The following KHDRBS1 variants were observed in gnomAD, a reference collection of about 807,000 sequenced individuals.
KHDRBS1 encodes the protein KH domain-containing, RNA-binding, signal transduction-associated protein 1.
KHDRBS1 carries 7 observed loss-of-function variants against 48.4 expected under a neutral mutation model. The ratio of observed to expected loss-of-function variants is 0.14; its 90% CI spans 0.08 to 0.27. KHDRBS1 has a LOEUF of 0.27. Ranked by LOEUF, KHDRBS1 falls within the 10% of genes least tolerant of loss-of-function variation. KHDRBS1 has a pLI of 1.00. For synonymous variants in KHDRBS1, 241 were observed against 235.8 expected (o/e 1.02, Z -0.20); for missense variants, 458 against 601.2 (o/e 0.76, Z 2.49).
chr1:32,028,718 G>A (rs993402673), intron 1 of KHDRBS1, among the ~76,000 whole-genome samples: 1 of 151,186 alleles, frequency 6.6e-6, no homozygotes, highest in Non-Finnish European at 1.5e-5. Flanking sequence ...TGTTAGCCAG[G>A]ATGGTCTCGA....
chr1:32,042,617 G>C lies in KHDRBS1; in HGVS notation c.1325G>C (p.Arg442Pro). ...KGAYREHPYGRY is the reference protein window; with the variant it reads ...KGAYREHPYGPY ...GCATACAGAGAGCACCCATATGGAC[G>C]TTATTAAAAACAAACATGAGGGGAA... The change falls in exon 9 of 9, where the codon CGT (arginine) becomes CCT (proline). Residue 442 changes from arginine (R) to proline (P), a missense_variant. By Grantham distance (103) the Arg-to-Pro change is moderately radical. Coordinates refer to ENST00000327300, the MANE Select transcript of KHDRBS1 (RefSeq NM_006559.3). 6.2e-7 allele frequency: 1 copy of C among 1,600,462 alleles called. No individual in the cohort carries two copies. The highest frequency in any genetic ancestry group is 1.1e-5 in the South Asian group (1 of 90,772).
chr1:32,014,166 C>A lies in KHDRBS1; in HGVS notation c.171C>A (p.Ala57=). ...GGGGATCCCGCGGGGGCGCCCGGGCCTCGCCCGCCACGCAGCCGCCACCGC... is the reference window on the plus strand; with the variant it reads ...GGGGATCCCGCGGGGGCGCCCGGGCATCGCCCGCCACGCAGCCGCCACCGC... The part of the protein sequence containing the change: ...GGGGSRGGAR[A]SPATQPPPLL... Residue 57 remains alanine, a synonymous_variant, in exon 1 of 9, where the codon GCC becomes GCA. Coordinates refer to ENST00000327300, the MANE Select transcript of KHDRBS1 (RefSeq NM_006559.3). The A allele has an allele frequency of 7.6e-7, 1 of 1,307,214 alleles. No homozygotes were observed. The highest frequency in any genetic ancestry group is 9.7e-7 in the Non-Finnish European group (1 of 1,027,746). 81.0% of individuals were successfully genotyped at this position (1,307,214 alleles called of 1,614,324 possible).
intron 1 of KHDRBS1, among the ~76,000 whole-genome samples, chr1:32,017,507 G>GTTT (rs1453631760): frequency 6.9e-6 from 1 of 144,750 alleles, no homozygotes; most frequent in Non-Finnish European, 1.5e-5. Flanking sequence ...ATCTATCTTT[G>GTTT]TTTTCTGGAA....
chr1:32,050,264 G>A (rs1639401973), intron 10 of KHDRBS1, among the ~76,000 whole-genome samples: 2 of 152,254 alleles, frequency 1.3e-5, no homozygotes, highest in South Asian at 4.1e-4. Context: ...TTAGCGAGTT[G>A]TAAGTTCTTT....
intron 8 of KHDRBS1, among the ~76,000 whole-genome samples, chr1:32,040,211 C>T (rs930263487): frequency 6.6e-6 from 1 of 151,966 alleles, no homozygotes; most frequent in Non-Finnish European, 1.5e-5. Context: ...GTCAGGAGTT[C>T]GAGACCAGCC....
At chr1:32,035,826 G>T (rs1313900065) in intron 4 of KHDRBS1, among the ~76,000 whole-genome samples, 1 of 152,214 alleles carries the variant, frequency 6.6e-6, no homozygotes, top group Non-Finnish European at 1.5e-5. Context: ...CTAAAATTAT[G>T]TGGTAAGTGC....
At chr1:32,016,186 G>GAAAAAAAAA (rs576956025) in intron 1 of KHDRBS1, among the ~76,000 whole-genome samples, 1 of 84,802 alleles carries the variant, frequency 1.2e-5, no homozygotes, top group African/African-American at 4.0e-5. Context: ...CTCAAAAAAG[G>GAAAAAAAAA]AAAAAAAAAA....
intron 1 of KHDRBS1, among the ~76,000 whole-genome samples, chr1:32,027,381 A>G (rs1237711666): frequency 1.3e-5 from 2 of 152,206 alleles, no homozygotes; most frequent in Non-Finnish European, 2.9e-5. Context: ...GCTCAAAAAG[A>G]TTGATCAGAA....
chr1:32,057,999 T>C (rs1639499705), intron 10 of KHDRBS1, among the ~76,000 whole-genome samples: 3 of 151,300 alleles, frequency 2.0e-5, no homozygotes, highest in Admixed American at 2.0e-4. Flanking sequence ...GCGCCTGTAA[T>C]CCCAGCTACT....
At chr1:32,034,559 T>TC (rs1639139654) in intron 4 of KHDRBS1, among the ~76,000 whole-genome samples, 1 of 151,734 alleles carries the variant, frequency 6.6e-6, no homozygotes, top group South Asian at 2.1e-4. Flanking sequence ...AAACTCCATC[T>TC]CCAAAAAAAA....
chr1:32,021,624 T>C (rs1429751311), intron 1 of KHDRBS1, among the ~76,000 whole-genome samples: 3 of 152,084 alleles, frequency 2.0e-5, no homozygotes, highest in Admixed American at 1.3e-4. Flanking sequence ...TTTTTGTATT[T>C]GTTTTTTTTT....
downstream of KHDRBS1, among the ~76,000 whole-genome samples, chr1:32,045,570 T>C (rs186623126): frequency 2.7e-4 from 41 of 152,338 alleles, no homozygotes; most frequent in African/African-American, 8.4e-4. Context: ...TAGTGGTTGA[T>C]AAGGCCAGAC....
rs545581818 is a variant in KHDRBS1 at position 32,050,499 on chromosome 1, T to TTTTG, written n.1301+5133_1301+5136dup. ...TTCTCAGTTTTTTAGTTTTAGTTCT[T>TTTTG]TTTGTTTGTTTGTTTGTTTGTTTGT... is the stretch of plus-strand genomic sequence containing the variant. On this transcript the variant is annotated intron_variant and non_coding_transcript_variant, in intron 10 of 10. Transcript: ENST00000484270. 3.9e-3 allele frequency among the ~76,000 whole-genome samples: 596 copies of TTTTG among 152,092 alleles called. 7 individuals are homozygous for TTTTG. Among genetic ancestry groups the TTTTG allele is most frequent in the African/African-American group, 0.01 (431 of 41,508 alleles).
chr1:32,019,678 G>A (rs1201944794), intron 1 of KHDRBS1, among the ~76,000 whole-genome samples: 5 of 152,190 alleles, frequency 3.3e-5, no homozygotes, highest in African/African-American at 9.6e-5. Context: ...ACTACATACA[G>A]TATAATACTA....
chr1:32,041,452 CTAGAA>C (rs1275353180), intron 8 of KHDRBS1, among the ~76,000 whole-genome samples: 1 of 152,072 alleles, frequency 6.6e-6, no homozygotes, highest in East Asian at 1.9e-4. Flanking sequence ...GAGGTCACCT[CTAGAA>C]TTATGTGATC....
At chr1:32,023,059 A>G (rs1638893666) in intron 1 of KHDRBS1, among the ~76,000 whole-genome samples, 1 of 151,540 alleles carries the variant, frequency 6.6e-6, no homozygotes, top group Non-Finnish European at 1.5e-5. Context: ...TATTTTTCTT[A>G]TTAACATTCT....
At chr1:32,015,493 TC>T (rs1050424475) in intron 1 of KHDRBS1, among the ~76,000 whole-genome samples, 3 of 152,210 alleles carry the variant, frequency 2.0e-5, no homozygotes, top group African/African-American at 7.2e-5. Context: ...GTTCTCTGTC[TC>T]CCAACACTGT....
rs1638681933 is a variant in KHDRBS1 at position 32,014,051 on chromosome 1, G to C, written c.56G>C (p.Gly19Ala). ...ATGAGCCGGTCTTCGGGCCGTAGCG[G>C]CTCCATGGACCCCTCCGGTGCCCAC... ...ARMSRSSGRSGSMDPSGAHPS... is the reference protein window; with the variant it reads ...ARMSRSSGRSASMDPSGAHPS... The change falls in exon 1 of 9, where the codon GGC becomes GCC. Residue 19 changes from glycine to alanine, a missense_variant. This residue lies in a region of KHDRBS1 where 213 missense variants were observed against 215.6 expected (regional missense o/e 0.99). Transcript: ENST00000327300. 6.6e-7 allele frequency: 1 copy of C among 1,516,134 alleles called. No homozygotes were observed. 93.9% of individuals were successfully genotyped at this position (1,516,134 alleles called of 1,614,324 possible). A position where few individuals can be genotyped will look rare whatever the true frequency, so the allele number is the denominator to read the frequency against.
intron 10 of KHDRBS1, among the ~76,000 whole-genome samples, chr1:32,055,221 G>A (rs1384533055): frequency 2.0e-5 from 3 of 152,150 alleles, no homozygotes; most frequent in Admixed American, 2.0e-4. Flanking sequence ...AAGCCAAGGC[G>A]GGCGGATCAT....
Sources: gnomAD v4.1 joint callset for allele counts (sites outside exome capture counted in the v4.1 genomes callset) on GRCh38, gnomAD v4.1.1 for gene constraint, gnomAD v4.1.1 regional missense constraint, MANE v1.5 for transcripts, NCBI Gene and HGNC (gene_info 2026-07-23, HGNC 2026-07-21) for gene names.